ZNF592: variants seen among roughly 807,000 people sequenced by gnomAD.
ZNF592 encodes zinc finger protein 592.
Under a neutral mutation model 80.3 loss-of-function variants are expected in ZNF592, and 11 were observed. The ratio of observed to expected loss-of-function variants is 0.14; its 90% CI spans 0.09 to 0.23. The LOEUF (loss-of-function observed/expected upper bound fraction) is 0.23, where lower values mean the gene tolerates loss of function less well. Among genes scored for constraint, ZNF592 ranks in the 10% least tolerant of loss-of-function variants. ZNF592 has a pLI of 1.00. For synonymous variants in ZNF592, 646 were observed against 640.3 expected (o/e 1.01, Z -0.13); for missense variants, 1,420 against 1,633.9 (o/e 0.87, Z 2.26).
chr15:84,792,550 A>C (rs1408747382), intron 5 of ZNF592, among the ~76,000 whole-genome samples: 1 of 152,132 alleles, frequency 6.6e-6, no homozygotes, highest in Non-Finnish European at 1.5e-5. Context: ...TCCCGAGCTC[A>C]GGTGATCCTC....
intron 2 of ZNF592, among the ~76,000 whole-genome samples, chr15:84,765,321 A>G (rs532465737): frequency 2.0e-5 from 3 of 152,158 alleles, no homozygotes; most frequent in African/African-American, 4.8e-5. Flanking sequence ...TAATCCTGCT[A>G]TGAACATGGG....
chr15:84,791,459 A>C (rs941764004), intron 5 of ZNF592, among the ~76,000 whole-genome samples: 1 of 152,254 alleles, frequency 6.6e-6, no homozygotes, highest in African/African-American at 2.4e-5. Flanking sequence ...ATAAGCAAGA[A>C]GTCATTTTCA....
rs1963132242 is a variant in ZNF592 at position 84,802,549 on chromosome 15, C to T, written c.*156C>T. 5.9e-6 allele frequency: 5 copies of T among 853,012 alleles called. No homozygotes were observed. The highest frequency in any genetic ancestry group is 1.6e-5 in the South Asian group (1 of 61,974). 52.8% of individuals were successfully genotyped at this position (853,012 alleles called of 1,614,324 possible). On this transcript the variant is annotated 3_prime_UTR_variant, in exon 11 of 11. Coordinates refer to ENST00000560079, the MANE Select transcript of ZNF592 (RefSeq NM_014630.3). ...CCCTGAGCTGCCAGTGCTGGGTATC[C>T]CCCAGCCCCAGGAAATGTGGGGTCG...
chr15:84,782,735 C>G lies in ZNF592; in HGVS notation c.60C>G (p.Asp20Glu). The G allele has an allele frequency of 1.2e-6, 2 of 1,614,114 alleles. No homozygotes were observed. The highest frequency in any genetic ancestry group is 8.5e-7 in the Non-Finnish European group (1 of 1,180,020). ...DDLLAAFDIP[D>E]PTSLDAKEAI... ...TTCTGGCTGCCTTTGACATCCCAGA[C>G]CCCACCAGCCTTGATGCCAAGGAGG... is the stretch of plus-strand genomic sequence containing the variant. Residue 20 changes from aspartate (D) to glutamate (E), a missense_variant, in exon 4 of 11, where the codon GAC becomes GAG. Transcript: ENST00000560079.
At chr15:84,765,981 C>T (rs771286957) in intron 2 of ZNF592, among the ~76,000 whole-genome samples, 13 of 149,982 alleles carry the variant, frequency 8.7e-5, no homozygotes, top group South Asian at 4.2e-4. Flanking sequence ...CACTCAGATT[C>T]GGTAGTTATC....
At chr15:84,770,647 G>A (rs993224794) in intron 2 of ZNF592, among the ~76,000 whole-genome samples, 1 of 152,000 alleles carries the variant, frequency 6.6e-6, no homozygotes, top group Non-Finnish European at 1.5e-5. Flanking sequence ...TATAAAAAAT[G>A]AAGAGTTTGG....
intron 4 of ZNF592, among the ~76,000 whole-genome samples, chr15:84,788,788 G>A (rs1324092716): frequency 3.3e-5 from 5 of 152,164 alleles, no homozygotes; most frequent in Non-Finnish European, 5.9e-5. Flanking sequence ...TATGTTTTCT[G>A]TCTCTAGGAG....
At position 84,764,755 on chromosome 15, in the gene ZNF592, C is replaced by G. The variant is rs1899452166; in HGVS notation, c.-210C>G. Reference sequence around the variant, plus strand: ...GTGCCTAGGTAGAAGTTTTTCCTTTCTCCGCAGCTCTGCTCCCCTAGCAAC... The same window carrying G: ...GTGCCTAGGTAGAAGTTTTTCCTTTGTCCGCAGCTCTGCTCCCCTAGCAAC... On this transcript the variant is annotated 5_prime_UTR_variant, in exon 2 of 11. Transcript: ENST00000560079. The G allele has an allele frequency of 1.0e-5, 4 of 398,972 alleles. No homozygotes were observed. In the East Asian group the frequency reaches 1.4e-4, roughly 14 times the overall value. The allele number at this position is 398,972 out of a possible 1,614,324, so 24.7% of individuals were successfully genotyped here. A position where few individuals can be genotyped will look rare whatever the true frequency, so the allele number is the denominator to read the frequency against.
chr15:84,783,227 G>A lies in ZNF592; in HGVS notation c.552G>A (p.Glu184=). The A allele has an allele frequency of 6.2e-7, 1 of 1,614,216 alleles. No individual in the cohort carries two copies. Residue 184 remains glutamate (E), a synonymous_variant, in exon 4 of 11, where the codon GAG becomes GAA. Transcript: ENST00000560079. This position sits in a 1 kb window ranked among gnomAD's most constrained non-coding sequence, Gnocchi z 5.0. ...GCGAVGGPVL[E]ALAKFPVPEL... ...GGGCTGTGGGAGGCCCAGTCCTGGA[G>A]GCTCTGGCTAAGTTTCCGGTTCCAG...
chr15:84,787,412 G>C (rs1026870851), intron 4 of ZNF592, among the ~76,000 whole-genome samples: 4 of 152,224 alleles, frequency 2.6e-5, no homozygotes, highest in Non-Finnish European at 4.4e-5. Flanking sequence ...TGAGCTATGG[G>C]ATTAAAAACT....
chr15:84,767,678 C>T (rs190660238), intron 2 of ZNF592, among the ~76,000 whole-genome samples: 1 of 152,066 alleles, frequency 6.6e-6, no homozygotes, highest in African/African-American at 2.4e-5. Context: ...CTAGTTTCTG[C>T]TTGTCCCAGT....
chr15:84,774,512 A>G (rs1038109485), intron 2 of ZNF592, among the ~76,000 whole-genome samples: 2 of 152,244 alleles, frequency 1.3e-5, no homozygotes, highest in Non-Finnish European at 2.9e-5. Context: ...CCACCATTCT[A>G]GGTAATTTAT....
At chr15:84,754,147 C>A (rs922922809) in intron 1 of ZNF592, among the ~76,000 whole-genome samples, 1 of 152,186 alleles carries the variant, frequency 6.6e-6, no homozygotes, top group African/African-American at 2.4e-5. Flanking sequence ...TTTGGTGCCA[C>A]GGCAGTCATT....
Position 84,783,236 on chromosome 15 carries a change from T to C in ZNF592, c.561T>C (p.Ala187=). ...GAGGCCCAGTCCTGGAGGCTCTGGC[T>C]AAGTTTCCGGTTCCAGAGCTGCATA... The part of the protein sequence containing the change: ...AVGGPVLEAL[A]KFPVPELHMF... Residue 187 remains alanine (A), a synonymous_variant, in exon 4 of 11, where the codon GCT becomes GCC. Transcript: ENST00000560079. This position sits in a 1 kb window ranked among gnomAD's most constrained non-coding sequence, Gnocchi z 5.0. 1 of 1,614,222 alleles carries C rather than the reference T, an allele frequency of 6.2e-7. No individual in the cohort carries two copies. Among genetic ancestry groups the C allele is most frequent in the Non-Finnish European group, 8.5e-7 (1 of 1,180,034 alleles).
rs150097784 is a variant in ZNF592 at position 84,800,782 on chromosome 15, A to G, written c.3273+805A>G. On this transcript the variant is annotated intron_variant, in intron 10 of 10. Transcript: ENST00000560079. ...GCAATTCTGCTTCTAGGATTTGTCT[A>G]TTAGAGAGATCTTTTGCCTTGGGCA... Among the ~76,000 whole-genome samples, 1,381 of 152,320 alleles carry G rather than the reference A, an allele frequency of 9.1e-3. 11 individuals are homozygous for G. Among genetic ancestry groups the G allele is most frequent in the Middle Eastern group, 0.034 (10 of 294 alleles).
chr15:84,786,546 G>A (rs1962589609), intron 4 of ZNF592, among the ~76,000 whole-genome samples: 1 of 152,176 alleles, frequency 6.6e-6, no homozygotes, highest in South Asian at 2.1e-4. Context: ...TGGCGGGCCT[G>A]TAGGGCTTCT....
rs1963035785 is a variant in ZNF592 at position 84,799,691 on chromosome 15, C to T, written c.3138-151C>T. On this transcript the variant is annotated intron_variant, in intron 9 of 10. Transcript: ENST00000560079. This position sits in a 1 kb window ranked among gnomAD's most constrained non-coding sequence, Gnocchi z 4.2. ...GACGTGCTATTGTCTGCTACCTTGG[C>T]TGGCCTGCTGGCTGGATCTCTCTGG... 8.6e-7 allele frequency: 1 copy of T among 1,156,192 alleles called. No homozygotes were observed. 71.6% of individuals were successfully genotyped at this position (1,156,192 alleles called of 1,614,324 possible).
At position 84,784,158 on chromosome 15, in the gene ZNF592, C is replaced by T; in HGVS notation, c.1483C>T (p.Pro495Ser). Reference sequence around the variant, plus strand: ...AGCACTGCAGGCATCCACCCTGGCCCCTGCCAACCTCCTGCCCAAAGCCGT... The same window carrying T: ...AGCACTGCAGGCATCCACCCTGGCCTCTGCCAACCTCCTGCCCAAAGCCGT... ...STALQASTLA[P>S]ANLLPKAVHL... Residue 495 changes from proline to serine, a missense_variant, in exon 4 of 11, where the codon CCT (proline) becomes TCT (serine). Physicochemically the swap from Pro to Ser is moderately conservative, Grantham distance 74. Transcript: ENST00000560079. This position sits in a 1 kb window ranked among gnomAD's most constrained non-coding sequence, Gnocchi z 5.8. 1 of 1,614,156 alleles carries T rather than the reference C, an allele frequency of 6.2e-7. No homozygotes were observed. The highest frequency in any genetic ancestry group is 8.5e-7 in the Non-Finnish European group (1 of 1,180,034).
intron 2 of ZNF592, among the ~76,000 whole-genome samples, chr15:84,776,622 GGCAC>G (rs1962260319): frequency 2.0e-5 from 3 of 152,190 alleles, no homozygotes; most frequent in Non-Finnish European, 4.4e-5. Context: ...CGGGCATGGT[GGCAC>G]ACATCTGTAA....
Sources: gnomAD v4.1 joint callset for allele counts (sites outside exome capture counted in the v4.1 genomes callset) on GRCh38, gnomAD v4.1.1 for gene constraint, Gnocchi (gnomAD v3.1) non-coding constraint, MANE v1.5 for transcripts, NCBI Gene and HGNC (gene_info 2026-07-23, HGNC 2026-07-21) for gene names.